NKX2-2: variants seen among roughly 807,000 people sequenced by gnomAD.
NKX2-2 encodes homeobox protein Nkx-2.2.
In NKX2-2, 8 loss-of-function variants were observed where a neutral mutation model predicts 24.6. The observed-to-expected ratio is 0.32, with a 90% CI of 0.19 to 0.59. The LOEUF is 0.59. Ranked by LOEUF, NKX2-2 falls within the 20% of genes least tolerant of loss-of-function variation. The pLI, the probability that NKX2-2 is intolerant of heterozygous loss-of-function variation, is 0.86. For missense variants in NKX2-2, 381 were observed against 373.9 expected, an observed-to-expected ratio of 1.02 and a Z score of -0.16; for synonymous variants, 217 against 173.3, an observed-to-expected ratio of 1.25 and a Z score of -1.98.
At chr20:21,520,717 A>G in the NKX2-2 span, among the ~76,000 whole-genome samples, 2 of 152,024 alleles carry the variant, frequency 1.3e-5, no homozygotes, top group Non-Finnish European at 2.9e-5. Flanking sequence ...TTATTGGGGA[A>G]CCAAACGCCA....
upstream of NKX2-2, among the ~76,000 whole-genome samples, chr20:21,514,660 AG>A (rs1375246336): frequency 6.6e-6 from 1 of 151,894 alleles, no homozygotes; most frequent in Non-Finnish European, 1.5e-5. Context: ...GAAAAGGGGG[AG>A]GGGGCGAAGG....
upstream of NKX2-2, among the ~76,000 whole-genome samples, chr20:21,516,251 T>G (rs1188928158): frequency 6.6e-6 from 1 of 152,100 alleles, no homozygotes. Flanking sequence ...AGGAAACCCC[T>G]TCATGTCGAC....
chr20:21,512,756 A>T (rs1980488439), intron 1 of NKX2-2, among the ~76,000 whole-genome samples: 1 of 152,058 alleles, frequency 6.6e-6, no homozygotes, highest in Non-Finnish European at 1.5e-5. Context: ...TGGGGGGGGA[A>T]GTGGCACTGA....
rs1600261210 is a variant in NKX2-2, at chr20:21,513,319, C to G, written c.259+92G>C. On this transcript the variant is annotated intron_variant, in intron 1 of 1. Transcript: ENST00000377142. This position sits in a 1 kb window ranked among gnomAD's most constrained non-coding sequence, Gnocchi z 4.6. ...AGTGAGGGGGTCCGGGCTTACATGG[C>G]CCCTTCCCCTTTCACTCCCAGCGTC... 7.3e-7 allele frequency: 1 copy of G among 1,373,004 alleles called. No individual in the cohort carries two copies. Among genetic ancestry groups the G allele is most frequent in the East Asian group, 2.6e-5 (1 of 38,630 alleles). The allele number at this position is 1,373,004 out of a possible 1,614,324, so 85.1% of individuals were successfully genotyped here.
chr20:21,515,200 C>G (rs1319490807), upstream of NKX2-2, among the ~76,000 whole-genome samples: 1 of 152,026 alleles, frequency 6.6e-6, no homozygotes, highest in Non-Finnish European at 1.5e-5. Context: ...CCCTCCCTCT[C>G]CGGCCCCCTC....
chr20:21,514,296 A>T (rs1980556929), upstream of NKX2-2, among the ~76,000 whole-genome samples: 1 of 152,120 alleles, frequency 6.6e-6, no homozygotes, highest in Non-Finnish European at 1.5e-5. Flanking sequence ...GTATTTGCAG[A>T]TGTGAAATTG....
the NKX2-2 span, among the ~76,000 whole-genome samples, chr20:21,521,297 C>T: frequency 1.3e-5 from 2 of 152,070 alleles, no homozygotes; most frequent in Non-Finnish European, 2.9e-5. Flanking sequence ...GTAGTGTGTG[C>T]GTGTGTGTTG....
upstream of NKX2-2, among the ~76,000 whole-genome samples, chr20:21,514,180 G>A (rs1479833889): frequency 2.6e-5 from 4 of 151,952 alleles, no homozygotes; most frequent in African/African-American, 4.8e-5. Context: ...GGGAGGGGGA[G>A]CGAGAGAGGG....
upstream of NKX2-2, among the ~76,000 whole-genome samples, chr20:21,514,702 T>G (rs890360247): frequency 1.3e-5 from 2 of 152,180 alleles, no homozygotes; most frequent in Non-Finnish European, 1.5e-5. Context: ...CTTTCCATCG[T>G]TGGTGGTTGC....
chr20:21,521,561 T>C, the NKX2-2 span, among the ~76,000 whole-genome samples: 5 of 152,176 alleles, frequency 3.3e-5, no homozygotes, highest in South Asian at 8.3e-4. Context: ...ATCACCACCG[T>C]CCCCTCACGT....
At chr20:21,518,439 G>C (rs991317362), upstream of NKX2-2, among the ~76,000 whole-genome samples, 1 of 152,224 alleles carries the variant, frequency 6.6e-6, no homozygotes, top group Non-Finnish European at 1.5e-5. Flanking sequence ...AGCTAGAGGA[G>C]AGCCTCGCTC....
At chr20:21,522,196 G>A in the NKX2-2 span, among the ~76,000 whole-genome samples, 2 of 152,244 alleles carry the variant, frequency 1.3e-5, no homozygotes, top group Non-Finnish European at 2.9e-5. Context: ...GAACTTCGGA[G>A]GCCCGCACTT....
Position 21,513,390 on chromosome 20 carries a change from C to T in NKX2-2, c.259+21G>A. On this transcript the variant is annotated intron_variant, in intron 1 of 1. Coordinates refer to ENST00000377142, the MANE Select transcript of NKX2-2 (RefSeq NM_002509.4). The surrounding 1 kb of genome is among the most constrained non-coding windows in gnomAD (Gnocchi z 4.6). ...GGAATGGAGGGGACCACGGCCTCGG[C>T]AGCCAAGTTTTGCTACTTACGGGAG... 6.6e-7 allele frequency: 1 copy of T among 1,509,686 alleles called. No homozygotes were observed. Among genetic ancestry groups the T allele is most frequent in the Non-Finnish European group, 8.9e-7 (1 of 1,127,564 alleles). 93.5% of individuals were successfully genotyped at this position (1,509,686 alleles called of 1,614,324 possible). A position where few individuals can be genotyped will look rare whatever the true frequency, so the allele number is the denominator to read the frequency against.
At chr20:21,516,061 C>T (rs1316557075), upstream of NKX2-2, among the ~76,000 whole-genome samples, 1 of 152,204 alleles carries the variant, frequency 6.6e-6, no homozygotes, top group Non-Finnish European at 1.5e-5. Flanking sequence ...CCGTTGGAAG[C>T]CTTTGTCCCG....
chr20:21,512,933 C>A (rs1357388736), intron 1 of NKX2-2, among the ~76,000 whole-genome samples: 1 of 152,108 alleles, frequency 6.6e-6, no homozygotes, highest in Admixed American at 6.5e-5. Context: ...TTCTAGACAC[C>A]CCCTGCACTG....
In NKX2-2 at chr20:21,513,915, A is replaced by C; in HGVS notation, c.-246T>G. The stretch of plus-strand genomic sequence containing the variant: ...TCTGTCTTCTTTGAAAGCACGCGGA[A>C]ATGGACGCAGGAAGCCGGGCGGCCT... On this transcript the variant is annotated 5_prime_UTR_variant, in exon 1 of 2. In the 5' UTR this introduces an upstream ATG that the reference lacks. Transcript: ENST00000377142. The surrounding 1 kb of genome is among the most constrained non-coding windows in gnomAD (Gnocchi z 4.6). The C allele has an allele frequency of 2.1e-5, 6 of 289,066 alleles. No homozygotes were observed. The highest frequency in any genetic ancestry group is 1.1e-4 in the East Asian group (2 of 17,520). 17.9% of individuals were successfully genotyped at this position (289,066 alleles called of 1,614,324 possible). A position where few individuals can be genotyped will look rare whatever the true frequency, so the allele number is the denominator to read the frequency against.
upstream of NKX2-2, among the ~76,000 whole-genome samples, chr20:21,518,318 G>A (rs763249449): frequency 5.9e-5 from 9 of 152,138 alleles, no homozygotes; most frequent in Admixed American, 1.3e-4. Flanking sequence ...TCCAGATTCC[G>A]TACACATCTC....
upstream of NKX2-2, among the ~76,000 whole-genome samples, chr20:21,515,171 C>A (rs943384277): frequency 6.6e-6 from 1 of 151,870 alleles, no homozygotes; most frequent in African/African-American, 2.4e-5. Flanking sequence ...CGGCCCTGCT[C>A]TTTCCTGCCC....
upstream of NKX2-2, among the ~76,000 whole-genome samples, chr20:21,517,786 C>A (rs1456295692): frequency 6.6e-6 from 1 of 152,198 alleles, no homozygotes; most frequent in Non-Finnish European, 1.5e-5. Context: ...CTGAGGACTC[C>A]CCAAGAGGCC....
Sources: gnomAD v4.1 joint callset for allele counts (sites outside exome capture counted in the v4.1 genomes callset) on GRCh38, gnomAD v4.1.1 for gene constraint, Gnocchi (gnomAD v3.1) non-coding constraint, MANE v1.5 for transcripts, NCBI Gene and HGNC (gene_info 2026-07-23, HGNC 2026-07-21) for gene names.